PTPRD: variants seen among roughly 807,000 people sequenced by gnomAD.
PTPRD encodes receptor-type tyrosine-protein phosphatase delta.
PTPRD carries 34 observed loss-of-function variants against 214.5 expected under a neutral mutation model. The ratio of observed to expected loss-of-function variants is 0.16; its 90% CI spans 0.12 to 0.21. The LOEUF (loss-of-function observed/expected upper bound fraction) is 0.21. Ranked by LOEUF, PTPRD falls within the 10% of genes least tolerant of loss-of-function variation. The pLI is 1.00. For missense variants in PTPRD, 2,545 were observed against 2,398.7 expected (o/e 1.06, Z -1.27); for synonymous variants, 1,128 against 845.7 (o/e 1.33, Z -5.79).
At chr9:9,983,343 CT>C (rs2095607026) in intron 4 of PTPRD, among the ~76,000 whole-genome samples, 1 of 152,154 alleles carries the variant, frequency 6.6e-6, no homozygotes, top group African/African-American at 2.4e-5. Flanking sequence ...ACACTGCTGC[CT>C]TTCCAAAGAA....
intron 3 of PTPRD, among the ~76,000 whole-genome samples, chr9:10,157,971 T>C (rs1242788389): frequency 6.6e-6 from 1 of 152,076 alleles, no homozygotes; most frequent in Non-Finnish European, 1.5e-5. Context: ...TATTGTAGTA[T>C]GTTTTTCAAC....
chr9:10,314,641 T>C (rs921529489), intron 3 of PTPRD, among the ~76,000 whole-genome samples: 1 of 151,838 alleles, frequency 6.6e-6, no homozygotes, highest in South Asian at 2.1e-4. Flanking sequence ...AAATTATAAA[T>C]AGGTTATAGA....
chr9:10,503,293 T>G (rs1408886879), intron 2 of PTPRD, among the ~76,000 whole-genome samples: 1 of 151,094 alleles, frequency 6.6e-6, no homozygotes, highest in Non-Finnish European at 1.5e-5. Context: ...GTCGTGATCA[T>G]CAATATTACT....
chr9:8,940,830 A>G (rs80173892), intron 11 of PTPRD, among the ~76,000 whole-genome samples: 1 of 26,918 alleles, frequency 3.7e-5, no homozygotes, highest in South Asian at 1.9e-3. Flanking sequence ...AACATTAGTG[A>G]TGATGATGAT....
intron 8 of PTPRD, among the ~76,000 whole-genome samples, chr9:9,399,133 CT>C (rs1419255421): frequency 1.3e-5 from 2 of 152,004 alleles, no homozygotes; most frequent in African/African-American, 4.8e-5. Flanking sequence ...TCATTAAGAA[CT>C]TTTCTTACTG....
At chr9:8,675,536 CACAAAAAAAAAAAAA>C (rs1423701853) in intron 12 of PTPRD, among the ~76,000 whole-genome samples, 1,103 of 69,936 alleles carry the variant, frequency 0.016, 14 homozygotes, top group Non-Finnish European at 0.022. Flanking sequence ...CACACACACA[CACAAAAAAAAAAAAA>C]AAAAAAAAAA....
At chr9:10,004,290 G>C (rs2154097495) in intron 4 of PTPRD, among the ~76,000 whole-genome samples, 1 of 151,902 alleles carries the variant, frequency 6.6e-6, no homozygotes, top group Non-Finnish European at 1.5e-5. Flanking sequence ...CTATATTAAA[G>C]CCACATTTTG....
intron 3 of PTPRD, among the ~76,000 whole-genome samples, chr9:10,253,615 G>T (rs913605247): frequency 2.6e-5 from 4 of 152,162 alleles, no homozygotes; most frequent in Non-Finnish European, 5.9e-5. Flanking sequence ...AGGGCTGGAG[G>T]CTTTCAACTG....
intron 11 of PTPRD, among the ~76,000 whole-genome samples, chr9:8,963,489 A>C (rs945865759): frequency 6.6e-6 from 1 of 152,120 alleles, no homozygotes; most frequent in African/African-American, 2.4e-5. Flanking sequence ...TTCTATCAAA[A>C]ACTTTTTCCA....
intron 3 of PTPRD, among the ~76,000 whole-genome samples, chr9:10,041,282 C>A (rs1362790584): frequency 1.3e-5 from 2 of 151,882 alleles, no homozygotes; most frequent in East Asian, 1.9e-4. Context: ...CTGACTATAT[C>A]CTTGAAGAGG....
intron 8 of PTPRD, among the ~76,000 whole-genome samples, chr9:9,527,492 T>C (rs903381322): frequency 6.6e-6 from 1 of 152,188 alleles, no homozygotes; most frequent in African/African-American, 2.4e-5. Context: ...AAAATTGTAA[T>C]CAAAAATTTG....
rs74934249 is a variant in PTPRD at position 8,898,137 on chromosome 9, G to A, written c.-104+120560C>T. Among the ~76,000 whole-genome samples, 793 of 152,026 alleles carry A rather than the reference G, an allele frequency of 5.2e-3. 12 individuals carry two copies. Among genetic ancestry groups the A allele is most frequent in the African/African-American group, 0.018 (745 of 41,438 alleles). On this transcript the variant is annotated intron_variant, in intron 11 of 45. Coordinates refer to ENST00000381196, the MANE Select transcript of PTPRD (RefSeq NM_002839.4). ...AGTTTCCCCTCCTCATCCCTTGTCA[G>A]TCTTCTCATGCCCTCAACTCTTATG... is the stretch of plus-strand genomic sequence containing the variant.
At chr9:9,116,726 T>G (rs2099812702) in intron 10 of PTPRD, among the ~76,000 whole-genome samples, 1 of 152,080 alleles carries the variant, frequency 6.6e-6, no homozygotes, top group Non-Finnish European at 1.5e-5. Flanking sequence ...CAAGCAATCT[T>G]TCAGATCTTA....
intron 2 of PTPRD, among the ~76,000 whole-genome samples, chr9:10,444,937 T>A (rs939230395): frequency 6.6e-6 from 1 of 151,928 alleles, no homozygotes; most frequent in African/African-American, 2.4e-5. Flanking sequence ...TGTACATGTA[T>A]ACAGAAGAAC....
intron 3 of PTPRD, among the ~76,000 whole-genome samples, chr9:10,214,522 T>A (rs2099532320): frequency 6.6e-6 from 1 of 150,884 alleles, no homozygotes; most frequent in African/African-American, 2.4e-5. Context: ...ATGATCCACC[T>A]GCCTCAGCCT....
intron 5 of PTPRD, among the ~76,000 whole-genome samples, chr9:9,895,603 G>A (rs2074741941): frequency 6.6e-6 from 1 of 152,168 alleles, no homozygotes; most frequent in African/African-American, 2.4e-5. Flanking sequence ...AGGAGAGGGA[G>A]GGTTTGGAAA....
chr9:8,434,945 A>T (rs189125480), intron 35 of PTPRD, among the ~76,000 whole-genome samples: 1 of 152,350 alleles, frequency 6.6e-6, no homozygotes, highest in Non-Finnish European at 1.5e-5. Context: ...CCATTTGAGA[A>T]AAGAAGACAA....
chr9:8,439,403 G>C (rs577052822), intron 34 of PTPRD, among the ~76,000 whole-genome samples: 1 of 152,328 alleles, frequency 6.6e-6, no homozygotes, highest in East Asian at 1.9e-4. Flanking sequence ...GTCTATTGGT[G>C]CATATGTAAG....
chr9:8,996,407 G>A (rs577417399), intron 11 of PTPRD, among the ~76,000 whole-genome samples: 1 of 152,182 alleles, frequency 6.6e-6, no homozygotes, highest in Non-Finnish European at 1.5e-5. Flanking sequence ...TTTATATGAT[G>A]TTCTGGAAAA....
Sources: gnomAD v4.1 joint callset for allele counts (sites outside exome capture counted in the v4.1 genomes callset) on GRCh38, gnomAD v4.1.1 for gene constraint, MANE v1.5 for transcripts, NCBI Gene and HGNC (gene_info 2026-07-23, HGNC 2026-07-21) for gene names.